The following STPG2 variants were observed in gnomAD, a reference collection of about 807,000 sequenced individuals.
STPG2 encodes the protein sperm tail PG-rich repeat containing 2.
A neutral mutation model predicts 54.2 loss-of-function variants in STPG2; 56 were observed. The observed-to-expected ratio is 1.03, with a 90% CI of 0.83 to 1.29. STPG2 has a LOEUF of 1.29. Among genes scored for constraint, STPG2 ranks in the 50% most tolerant of loss-of-function variants. The pLI is 0.00. For synonymous variants in STPG2, 200 were observed against 181.8 expected (o/e 1.10, Z -0.81); for missense variants, 596 against 544.9 (o/e 1.09, Z -0.93).
chr4:97,838,427 A>T (rs1260631853), intron 9 of STPG2, among the ~76,000 whole-genome samples: 1 of 151,254 alleles, frequency 6.6e-6, no homozygotes, highest in Admixed American at 6.6e-5. Context: ...TAGGGTGTAA[A>T]TTACAAACAG....
intron 7 of STPG2, among the ~76,000 whole-genome samples, chr4:97,946,287 G>A (rs1241151081): frequency 5.3e-5 from 8 of 152,112 alleles, no homozygotes; most frequent in Admixed American, 2.6e-4. Context: ...TGTAGATTCT[G>A]CATATTAGTC....
intron 10 of STPG2, among the ~76,000 whole-genome samples, chr4:97,665,226 C>G (rs1722488959): frequency 6.6e-6 from 1 of 152,208 alleles, no homozygotes; most frequent in Non-Finnish European, 1.5e-5. Flanking sequence ...AGTATTTCAG[C>G]TCTGTTTGCG....
At chr4:98,111,200 C>T (rs1246681229) in intron 3 of STPG2, among the ~76,000 whole-genome samples, 1 of 151,224 alleles carries the variant, frequency 6.6e-6, no homozygotes, top group African/African-American at 2.4e-5. Context: ...TCCCCAGAAC[C>T]AGAAAAGGAC....
At chr4:97,657,215 ATAGT>A (rs888828127) in intron 10 of STPG2, among the ~76,000 whole-genome samples, 32 of 152,252 alleles carry the variant, frequency 2.1e-4, no homozygotes, top group African/African-American at 7.7e-4. Flanking sequence ...TACATAATAA[ATAGT>A]AAGTGGCCAA....
At chr4:97,860,948 G>C (rs1372701814) in intron 8 of STPG2, among the ~76,000 whole-genome samples, 1 of 152,076 alleles carries the variant, frequency 6.6e-6, no homozygotes, top group Non-Finnish European at 1.5e-5. Context: ...GAGATTTCTT[G>C]AGTAATACCC....
Position 97,735,067 on chromosome 4 carries a change from C to A in STPG2, c.1205-22253G>T, listed in dbSNP as rs367608133. Among the ~76,000 whole-genome samples, 6 of 64,960 alleles carry A rather than the reference C, an allele frequency of 9.2e-5. No homozygotes were observed. The East Asian group carries it at 9.3e-4, about 10-fold the overall frequency. The allele number at this position is 64,960 out of a possible 152,430, so 42.6% of individuals were successfully genotyped here. A position where few individuals can be genotyped will look rare whatever the true frequency, so the allele number is the denominator to read the frequency against. On this transcript the variant is annotated intron_variant, in intron 9 of 10. Transcript: ENST00000295268. ...CAGCCTGGGCAAGAGAGCGAGACAT[C>A]GTCTCAAAAAAAAAAAAAGTTTCTG...
Position 97,944,011 on chromosome 4 carries a change from T to C in STPG2, c.934-4A>G. On this transcript the variant is annotated splice_polypyrimidine_tract_variant and splice_region_variant and intron_variant, in intron 7 of 10. Coordinates refer to ENST00000295268, the MANE Select transcript of STPG2 (RefSeq NM_174952.3). ...CACCCTGTGAATGCCAAAATTCCTG[T>C]TGAAAGAAGGGGTTAAAAAGAGTAC... 17 of 1,594,000 alleles carry C rather than the reference T, an allele frequency of 1.1e-5. No homozygotes were observed. Among genetic ancestry groups the C allele is most frequent in the Non-Finnish European group, 1.5e-5 (17 of 1,164,078 alleles).
chr4:98,033,773 C>G (rs891973842), intron 5 of STPG2, among the ~76,000 whole-genome samples: 4 of 152,160 alleles, frequency 2.6e-5, no homozygotes, highest in African/African-American at 9.7e-5. Context: ...CAGCTTCATC[C>G]CTGGGATGCA....
chr4:97,935,002 G>A (rs909267270), intron 8 of STPG2, among the ~76,000 whole-genome samples: 5 of 152,102 alleles, frequency 3.3e-5, no homozygotes, highest in South Asian at 4.1e-4. Context: ...TTTTTTGGTT[G>A]ATAGGCTATT....
chr4:97,920,634 CA>C (rs984746034), intron 8 of STPG2, among the ~76,000 whole-genome samples: 1 of 151,732 alleles, frequency 6.6e-6, no homozygotes, highest in African/African-American at 2.4e-5. Context: ...TTATATCCTT[CA>C]AAAATGAAGG....
chr4:97,564,831 G>T (rs963269557), intron 10 of STPG2, among the ~76,000 whole-genome samples: 1 of 152,122 alleles, frequency 6.6e-6, no homozygotes, highest in Non-Finnish European at 1.5e-5. Flanking sequence ...TTCCCTTTGT[G>T]AGTAACCCGA....
At chr4:97,971,917 TCTCC>T (rs558475672) in intron 7 of STPG2, among the ~76,000 whole-genome samples, 61 of 152,248 alleles carry the variant, frequency 4.0e-4, no homozygotes, top group Non-Finnish European at 7.3e-4. Context: ...TCTGGTTTAT[TCTCC>T]CTAAGTCTTT....
chr4:98,014,049 T>G (rs35983133), intron 5 of STPG2, among the ~76,000 whole-genome samples: 6 of 152,132 alleles, frequency 3.9e-5, no homozygotes, highest in African/African-American at 1.4e-4. Flanking sequence ...CTAGGTGCTT[T>G]AGTTGTGATG....
At position 98,143,227 on chromosome 4, in the gene STPG2, G is replaced by A. The variant is rs1740354351; in HGVS notation, c.-77C>T. ...AAAACAAGGTAGCTAGAAGTGTGGAGAAAAAGGAAGCCGACACCAGTCTGA... is the reference window on the plus strand; with the variant it reads ...AAAACAAGGTAGCTAGAAGTGTGGAAAAAAAGGAAGCCGACACCAGTCTGA... On this transcript the variant is annotated 5_prime_UTR_variant, in exon 1 of 11. Transcript: ENST00000295268. 2 of 1,154,134 alleles carry A rather than the reference G, an allele frequency of 1.7e-6. No individual in the cohort carries two copies. The highest frequency in any genetic ancestry group is 4.7e-5 in the Admixed American group (2 of 42,832). The allele number at this position is 1,154,134 out of a possible 1,614,324, so 71.5% of individuals were successfully genotyped here. A position where few individuals can be genotyped will look rare whatever the true frequency, so the allele number is the denominator to read the frequency against.
chr4:97,728,306 A>G (rs999793132), intron 9 of STPG2, among the ~76,000 whole-genome samples: 1 of 152,080 alleles, frequency 6.6e-6, no homozygotes, highest in Non-Finnish European at 1.5e-5. Context: ...TGATAACCAA[A>G]GAAATGAGAT....
intron 9 of STPG2, among the ~76,000 whole-genome samples, chr4:97,732,219 G>A (rs922773272): frequency 1.3e-5 from 2 of 152,140 alleles, no homozygotes; most frequent in African/African-American, 4.8e-5. Context: ...GCACAGGCTG[G>A]AGCTCTCCCT....
chr4:97,745,566 A>G (rs1725398708), intron 9 of STPG2, among the ~76,000 whole-genome samples: 1 of 151,188 alleles, frequency 6.6e-6, no homozygotes, highest in African/African-American at 2.4e-5. Context: ...CATTTTTACC[A>G]TGAAAGAGCT....
chr4:97,708,083 AG>A (rs1412978504), intron 10 of STPG2, among the ~76,000 whole-genome samples: 1 of 152,134 alleles, frequency 6.6e-6, no homozygotes, highest in African/African-American at 2.4e-5. Flanking sequence ...AATGACATAA[AG>A]GGTATTCCAA....
intron 9 of STPG2, among the ~76,000 whole-genome samples, chr4:97,777,155 C>T (rs1295522492): frequency 6.6e-6 from 1 of 152,034 alleles, no homozygotes; most frequent in Non-Finnish European, 1.5e-5. Context: ...CTGAAAAATC[C>T]ATCCAAGAAA....
Sources: allele counts gnomAD v4.1 joint callset (sites outside exome capture counted in the v4.1 genomes callset), GRCh38; gene constraint gnomAD v4.1.1; transcripts MANE v1.5; gene names NCBI Gene and HGNC (gene_info 2026-07-23, HGNC 2026-07-21).